PYGB: variants seen among roughly 807,000 people sequenced by gnomAD.
PYGB encodes glycogen phosphorylase, brain form.
In PYGB, 82 loss-of-function variants were observed where a neutral mutation model predicts 94.3. That is an observed-to-expected ratio of 0.87 (90% CI 0.73 to 1.04). PYGB has a LOEUF of 1.04. PYGB is among the 50% of genes least tolerant of loss of function. PYGB has a pLI of 0.00. For synonymous variants in PYGB, 488 were observed against 479.1 expected, an observed-to-expected ratio of 1.02 and a Z score of -0.24; for missense variants, 1,132 against 1,158.2, an observed-to-expected ratio of 0.98 and a Z score of 0.33.
At chr20:25,283,375 G>A in intron 13 of PYGB, 98 bp downstream of exon 13, 1 of 1,094,390 alleles carries the variant, frequency 9.1e-7, no homozygotes, top group South Asian at 1.5e-5. Flanking sequence ...CACAGGTCCT[G>A]GGGTACCCAC....
intron 4 of PYGB, 119 bp downstream of exon 4, chr20:25,271,605 C>A: frequency 9.0e-7 from 1 of 1,111,060 alleles, no homozygotes; most frequent in Non-Finnish European, 1.3e-6. Flanking sequence ...GCAGGCCGGC[C>A]AGGGCAATGT....
At chr20:25,283,418 A>G in intron 13 of PYGB, 141 bp downstream of exon 13, 1 of 702,308 alleles carries the variant, frequency 1.4e-6, no homozygotes, top group Non-Finnish European at 2.3e-6. Context: ...AACAGGACTG[A>G]GGGTGAGGCT....
Position 25,280,988 on chromosome 20 carries a change from C to G in PYGB, c.1279C>G (p.Arg427Gly). Residue 427 changes from arginine to glycine, a missense_variant, in exon 11 of 20, where the codon CGC becomes GGC. Arg to Gly is a moderately radical substitution (Grantham distance 125). Coordinates refer to ENST00000216962, the MANE Select transcript of PYGB (RefSeq NM_002862.4). ...GTTTCCCGGCGATGTGGACCGCCTGCGCAGGATGTCTGTGATCGAGGAGGG... is the reference window on the plus strand; with the variant it reads ...GTTTCCCGGCGATGTGGACCGCCTGGGCAGGATGTCTGTGATCGAGGAGGG... ...ALFPGDVDRL[R>G]RMSVIEEGDC... The G allele has an allele frequency of 6.2e-7, 1 of 1,614,142 alleles. No individual in the cohort carries two copies. Among genetic ancestry groups the G allele is most frequent in the Non-Finnish European group, 8.5e-7 (1 of 1,180,002 alleles).
chr20:25,250,015 A>G (rs2092883089), intron 1 of PYGB, among the ~76,000 whole-genome samples: 1 of 152,054 alleles, frequency 6.6e-6, no homozygotes, highest in Admixed American at 6.5e-5. Context: ...ACGCCCGGCT[A>G]ATTTTTTGTA....
intron 5 of PYGB, 64 bp downstream of exon 5, chr20:25,274,787 T>C (rs2088296551): frequency 6.4e-7 from 1 of 1,568,392 alleles, no homozygotes; most frequent in Non-Finnish European, 8.6e-7. Context: ...TGCGGCTCAT[T>C]TGTAGACAGC....
rs373445217 is a variant in PYGB at position 25,277,124 on chromosome 20, C to T, written c.773-120C>T. 48 of 736,722 alleles carry T rather than the reference C, an allele frequency of 6.5e-5. 1 individual carries two copies. The highest frequency in any genetic ancestry group is 5.1e-4 in the South Asian group (31 of 60,560). 45.6% of individuals were successfully genotyped at this position (736,722 alleles called of 1,614,324 possible). ...ATGGGGGTGAGGGGAAGTAATGCAGCGGCTGGGGGAGTCCTGTGCTCGAGC... is the reference window on the plus strand; with the variant it reads ...ATGGGGGTGAGGGGAAGTAATGCAGTGGCTGGGGGAGTCCTGTGCTCGAGC... On this transcript the variant is annotated intron_variant, in intron 6 of 19. Transcript: ENST00000216962.
chr20:25,248,452 G>A (rs1336724563), intron 1 of PYGB, 31 bp downstream of exon 1: 5 of 1,346,090 alleles, frequency 3.7e-6, no homozygotes, highest in African/African-American at 1.5e-5. Flanking sequence ...GTGCGCCCGT[G>A]CCCGCTGAGA....
At chr20:25,281,143 G>A (rs781490553) in intron 11 of PYGB, 31 bp downstream of exon 11, 1 of 1,611,590 alleles carries the variant, frequency 6.2e-7, no homozygotes, top group Non-Finnish European at 8.5e-7. Context: ...AGCGGGGCCA[G>A]CTCTGTCTGA....
intron 14 of PYGB, among the ~76,000 whole-genome samples, chr20:25,286,625 A>G (rs1448361889): frequency 6.6e-6 from 1 of 152,158 alleles, no homozygotes; most frequent in Admixed American, 6.5e-5. Context: ...GGCCAAGGCC[A>G]TGCTTCCCCA....
rs774845459 is a variant in PYGB, at chr20:25,290,526, A to G, written c.1873A>G (p.Thr625Ala). Residue 625 changes from threonine to alanine, a missense_variant, in exon 16 of 20, where the codon ACC becomes GCC. Transcript: ENST00000216962. ...HMAKLIIKLV[T>A]SIGDVVNHDP... is the part of the protein sequence containing the mutation. ...GGCCAAGCTGATCATCAAGTTGGTC[A>G]CCTCCATCGGCGACGTCGTCAATCA... 6.2e-7 allele frequency: 1 copy of G among 1,611,352 alleles called. No individual in the cohort carries two copies. Among genetic ancestry groups the G allele is most frequent in the Non-Finnish European group, 8.5e-7 (1 of 1,177,634 alleles).
At chr20:25,267,574 A>G (rs2088228947) in intron 2 of PYGB, among the ~76,000 whole-genome samples, 1 of 152,196 alleles carries the variant, frequency 6.6e-6, no homozygotes, top group Non-Finnish European at 1.5e-5. Flanking sequence ...TCTGTCACCC[A>G]GGCTGGAGTG....
chr20:25,261,943 AGAAAT>A (rs1337805015), intron 2 of PYGB, among the ~76,000 whole-genome samples: 4 of 152,214 alleles, frequency 2.6e-5, no homozygotes, highest in Non-Finnish European at 5.9e-5. Context: ...CAGAGTAAAA[AGAAAT>A]GAACAAAGCC....
At position 25,297,921 on chromosome 20, in the gene PYGB, TG is replaced by T. The variant is rs1318919138; in HGVS notation, c.*1403del. 6.6e-6 allele frequency: 1 copy of T among 152,304 alleles called. No individual in the cohort carries two copies. Among genetic ancestry groups the T allele is most frequent in the Non-Finnish European group, 1.5e-5 (1 of 68,094 alleles). 9.4% of individuals were successfully genotyped at this position (152,304 alleles called of 1,614,324 possible). On this transcript the variant is annotated 3_prime_UTR_variant, in exon 20 of 20. Transcript: ENST00000216962. ...AGGCCATACTCCCCTAGTTGGCCAC[TG>T]GGGCCACCACCCTGACCACCACTGT... is the stretch of plus-strand genomic sequence containing the variant.
chr20:25,274,870 C>A (rs1200042256), intron 5 of PYGB, 147 bp downstream of exon 5: 2 of 1,247,242 alleles, frequency 1.6e-6, no homozygotes, highest in Middle Eastern at 2.1e-4. Flanking sequence ...GAGGTTTATT[C>A]TCCTCACTCC....
intron 8 of PYGB, 28 bp downstream of exon 8, chr20:25,278,490 A>G (rs778472710): frequency 8.7e-6 from 14 of 1,612,020 alleles, no homozygotes; most frequent in Non-Finnish European, 1.1e-5. Flanking sequence ...GAGGGATCTC[A>G]GTGCCAGGGG....
intron 14 of PYGB, among the ~76,000 whole-genome samples, chr20:25,286,539 C>T (rs1414495975): frequency 6.6e-6 from 1 of 152,182 alleles, no homozygotes; most frequent in African/African-American, 2.4e-5. Flanking sequence ...ACTTCCATTG[C>T]TACGTTGGTG....
chr20:25,287,218 GC>G (rs2088426142), intron 14 of PYGB, among the ~76,000 whole-genome samples: 1 of 152,256 alleles, frequency 6.6e-6, no homozygotes, highest in African/African-American at 2.4e-5. Context: ...AACTTTGGGG[GC>G]CCTCACCCGC....
At chr20:25,278,216 C>T in intron 7 of PYGB, 103 bp from the exon 8 acceptor site, 1 of 1,320,508 alleles carries the variant, frequency 7.6e-7, no homozygotes, top group Non-Finnish European at 1.0e-6. Flanking sequence ...CTGGGCTCCT[C>T]TCGGCCTTCT....
At chr20:25,248,798 C>T (rs2092879142) in intron 1 of PYGB, among the ~76,000 whole-genome samples, 1 of 152,284 alleles carries the variant, frequency 6.6e-6, no homozygotes, top group Admixed American at 6.5e-5. Flanking sequence ...TGTTTTCCTG[C>T]AGCAGCCTGT....
Sources: gnomAD v4.1 joint callset for allele counts (sites outside exome capture counted in the v4.1 genomes callset) on GRCh38, gnomAD v4.1.1 for gene constraint, MANE v1.5 for transcripts, NCBI Gene and HGNC (gene_info 2026-07-23, HGNC 2026-07-21) for gene names.